UNC50: variants seen among roughly 807,000 people sequenced by gnomAD.
UNC50 encodes the protein protein unc-50 homolog.
UNC50 carries 24 observed loss-of-function variants against 31.5 expected under a neutral mutation model. The observed-to-expected ratio is 0.76, with a 90% CI of 0.55 to 1.07. The LOEUF is 1.07. Among genes scored for constraint, UNC50 ranks in the 50% least tolerant of loss-of-function variants. UNC50 has a pLI of 0.00. For synonymous variants in UNC50, 118 were observed against 114.7 expected (o/e 1.03, Z -0.18); for missense variants, 245 against 304.2 (o/e 0.81, Z 1.45).
At chr2:98,616,030 C>T (rs912908283) in intron 3 of UNC50, among the ~76,000 whole-genome samples, 177 bp from the exon 4 acceptor site, 6 of 152,158 alleles carry the variant, frequency 3.9e-5, no homozygotes, top group African/African-American at 1.4e-4. Flanking sequence ...TTCCATAATA[C>T]CATCTGACAT....
At chr2:98,609,431 T>G (rs759616942) in intron 1 of UNC50, 1 of 398,894 alleles carries the variant, frequency 2.5e-6, no homozygotes, top group Non-Finnish European at 4.6e-6. Context: ...CGAGTCAGAT[T>G]TCCAATCTTG....
chr2:98,610,815 C>G lies in UNC50; in HGVS notation c.321C>G (p.Phe107Leu). The G allele has an allele frequency of 6.2e-7, 1 of 1,614,140 alleles. No homozygotes were observed. Among genetic ancestry groups the G allele is most frequent in the Non-Finnish European group, 8.5e-7 (1 of 1,179,994 alleles). The part of the protein sequence containing the change: ...IGFGFVLDMG[F>L]FETIKLLLWV... ...TTGGCTTTGTGCTGGACATGGGATTCTTTGAGACAATAAAGCTTCTCCTTT... is the reference window on the plus strand; with the variant it reads ...TTGGCTTTGTGCTGGACATGGGATTGTTTGAGACAATAAAGCTTCTCCTTT... The change falls in exon 3 of 6, where the codon TTC becomes TTG. Residue 107 changes from phenylalanine (F) to leucine (L), a missense_variant. Coordinates refer to ENST00000357765, the MANE Select transcript of UNC50 (RefSeq NM_014044.7).
intron 3 of UNC50, among the ~76,000 whole-genome samples, chr2:98,612,227 C>T (rs1289952073): frequency 6.6e-6 from 1 of 152,168 alleles, no homozygotes; most frequent in Non-Finnish European, 1.5e-5. Flanking sequence ...CAAATGCCAA[C>T]TTAGTTATCT....
intron 5 of UNC50, among the ~76,000 whole-genome samples, chr2:98,617,503 C>G (rs191536994): frequency 1.9e-3 from 288 of 152,290 alleles, no homozygotes; most frequent in Admixed American, 3.8e-3. Flanking sequence ...TTGAACACTC[C>G]TGGTAACGAC....
intron 3 of UNC50, among the ~76,000 whole-genome samples, chr2:98,615,119 G>C: frequency 6.6e-6 from 1 of 152,186 alleles, no homozygotes; most frequent in South Asian, 2.1e-4. Context: ...CTTATGGCTG[G>C]ATGCGTCACT....
At chr2:98,609,607 A>G in intron 1 of UNC50, 149 bp from the exon 2 acceptor site, 1 of 1,261,042 alleles carries the variant, frequency 7.9e-7, no homozygotes, top group East Asian at 2.3e-5. Context: ...CCTCAGAACT[A>G]ACTGCATTTG....
chr2:98,618,200 CT>C lies in UNC50; in HGVS notation c.677del (p.Leu226ArgfsTer7). ...LPFLKNTVIL[L>X]YPFAPLILLY... ...ATTTTTGAAAAATACAGTAATTCTT[CT>C]GTATCCATTTGCACCTCTGATTCTG... On this transcript the variant is annotated frameshift_variant, in exon 6 of 6. Coordinates refer to ENST00000357765, the MANE Select transcript of UNC50 (RefSeq NM_014044.7). LOFTEE classifies it high-confidence loss of function. The C allele has an allele frequency of 1.3e-6, 2 of 1,599,454 alleles. No homozygotes were observed. The highest frequency in any genetic ancestry group is 2.3e-5 in the South Asian group (2 of 88,828).
chr2:98,608,628 T>TGAGGG lies in UNC50; in HGVS notation c.-102_-98dup. On this transcript the variant is annotated 5_prime_UTR_variant, in exon 1 of 6. Coordinates refer to ENST00000357765, the MANE Select transcript of UNC50 (RefSeq NM_014044.7). ...GGCGCGCCCCAAGGGCCGGCTCCGT[T>TGAGGG]GAGGGAAGGGAAGCCCGCCCGGTGG... The TGAGGG allele has an allele frequency of 1.7e-6, 1 of 584,962 alleles. No individual in the cohort carries two copies. Among genetic ancestry groups the TGAGGG allele is most frequent in the Non-Finnish European group, 3.0e-6 (1 of 329,722 alleles). 36.2% of individuals were successfully genotyped at this position (584,962 alleles called of 1,614,324 possible). A position where few individuals can be genotyped will look rare whatever the true frequency, so the allele number is the denominator to read the frequency against.
chr2:98,612,999 TGCCACAA>T (rs1330090590), intron 3 of UNC50, among the ~76,000 whole-genome samples: 4 of 152,228 alleles, frequency 2.6e-5, no homozygotes, highest in African/African-American at 9.6e-5. Flanking sequence ...TGGACACAGT[TGCCACAA>T]ACCTTCAATA....
rs148175018 is a variant in UNC50, at chr2:98,609,876, C to G, written c.117C>G (p.Phe39Leu). The change falls in exon 2 of 6, where the codon TTC becomes TTG. Residue 39 changes from phenylalanine to leucine, a missense_variant. Transcript: ENST00000357765. ...GCTACAAATATCTGAGAAGGCTTTT[C>G]CGCTTTCGGCAAATGGACTTTGAAT... ...AKRYKYLRRL[F>L]RFRQMDFEFA... The G allele has an allele frequency of 6.8e-6, 11 of 1,614,090 alleles. No individual in the cohort carries two copies. Among genetic ancestry groups the G allele is most frequent in the Non-Finnish European group, 9.3e-6 (11 of 1,180,050 alleles).
chr2:98,609,606 T>TA, intron 1 of UNC50, 150 bp from the exon 2 acceptor site: 2 of 1,259,422 alleles, frequency 1.6e-6, no homozygotes, highest in Non-Finnish European at 2.2e-6. Context: ...GCCTCAGAAC[T>TA]AACTGCATTT....
intron 5 of UNC50, among the ~76,000 whole-genome samples, chr2:98,617,059 A>G (rs1700935585): frequency 6.6e-6 from 1 of 152,252 alleles, no homozygotes; most frequent in Admixed American, 6.5e-5. Flanking sequence ...GATCGGGCCC[A>G]ACATTTATTG....
At position 98,608,606 on chromosome 2, in the gene UNC50, G is replaced by A; in HGVS notation, c.-125G>A. On this transcript the variant is annotated 5_prime_UTR_variant, in exon 1 of 6. Transcript: ENST00000357765. Reference sequence around the variant, plus strand: ...CGGAAGTCGGTTCCCGTGACGCGGCGCGCCCCAAGGGCCGGCTCCGTTGAG... The same window carrying A: ...CGGAAGTCGGTTCCCGTGACGCGGCACGCCCCAAGGGCCGGCTCCGTTGAG... 1 of 604,626 alleles carries A rather than the reference G, an allele frequency of 1.7e-6. No homozygotes were observed. Among genetic ancestry groups the A allele is most frequent in the Admixed American group, 2.8e-5 (1 of 35,340 alleles). 37.5% of individuals were successfully genotyped at this position (604,626 alleles called of 1,614,324 possible). A position where few individuals can be genotyped will look rare whatever the true frequency, so the allele number is the denominator to read the frequency against.
Position 98,608,600 on chromosome 2 carries a change from C to T in UNC50, c.-131C>T, listed in dbSNP as rs1367768972. 10 of 606,358 alleles carry T rather than the reference C, an allele frequency of 1.6e-5. 1 individual carries two copies. The South Asian group carries it at 1.7e-4, about 10-fold the overall frequency. 37.6% of individuals were successfully genotyped at this position (606,358 alleles called of 1,614,324 possible). A position where few individuals can be genotyped will look rare whatever the true frequency, so the allele number is the denominator to read the frequency against. On this transcript the variant is annotated 5_prime_UTR_variant, in exon 1 of 6. In the 5' UTR this introduces an upstream ATG that the reference lacks. Coordinates refer to ENST00000357765, the MANE Select transcript of UNC50 (RefSeq NM_014044.7). ...CCGCGGCGGAAGTCGGTTCCCGTGA[C>T]GCGGCGCGCCCCAAGGGCCGGCTCC...
chr2:98,618,292 CAG>C lies in UNC50; in HGVS notation c.771_772del (p.Arg257SerfsTer12). On this transcript the variant is annotated frameshift_variant, in exon 6 of 6. Coordinates refer to ENST00000357765, the MANE Select transcript of UNC50 (RefSeq NM_014044.7). LOFTEE classifies it high-confidence loss of function. ...ATACTCTCTGTTCTTTCTATAAGTA[CAG>C]AGTGAAATAAAAAGTGAGAAGAAGA... The part of the protein sequence containing the change: ...THTLCSFYKY[R>X]VK The C allele has an allele frequency of 6.3e-7, 1 of 1,594,820 alleles. No homozygotes were observed. The highest frequency in any genetic ancestry group is 8.5e-7 in the Non-Finnish European group (1 of 1,174,658).
Position 98,618,327 on chromosome 2 carries a change from G to GTAAC in UNC50, c.*25_*28dup, listed in dbSNP as rs1559150217. ...TAAAAAGTGAGAAGAAGATTCAATC[G>GTAAC]TAACTGTGTCAACAGTATTGTGAAG... On this transcript the variant is annotated 3_prime_UTR_variant, in exon 6 of 6. Coordinates refer to ENST00000357765, the MANE Select transcript of UNC50 (RefSeq NM_014044.7). The GTAAC allele has an allele frequency of 3.2e-6, 5 of 1,585,374 alleles. No homozygotes were observed. The highest frequency in any genetic ancestry group is 1.4e-5 in the African/African-American group (1 of 73,082).
Position 98,609,685 on chromosome 2 carries a change from CAGAAG to C in UNC50, c.-4-68_-4-64del, listed in dbSNP as rs560391097. On this transcript the variant is annotated intron_variant, in intron 1 of 5. Coordinates refer to ENST00000357765, the MANE Select transcript of UNC50 (RefSeq NM_014044.7). ...AAAGTGACCTCCCTGCCAAATAACT[CAGAAG>C]AGGAGTGTCGGTAGCCAAATGTTTC... is the stretch of plus-strand genomic sequence containing the variant. 4.8e-4 allele frequency: 764 copies of C among 1,602,522 alleles called. 7 individuals carry two copies. In the South Asian group the frequency reaches 7.8e-3, roughly 16 times the overall value.
chr2:98,616,252 T>TG lies in UNC50; in HGVS notation c.448dup (p.Asp150GlyfsTer9). On this transcript the variant is annotated frameshift_variant, in exon 4 of 6. Coordinates refer to ENST00000357765, the MANE Select transcript of UNC50 (RefSeq NM_014044.7). LOFTEE classifies it high-confidence loss of function. ...TAGTGAAACGACAGAGCAGAGACTATGATGTGGAATGGGGCTATGCTTTTG... is the reference window on the plus strand; with the variant it reads ...TAGTGAAACGACAGAGCAGAGACTATGGATGTGGAATGGGGCTATGCTTTTG... 1.9e-6 allele frequency: 3 copies of TG among 1,614,196 alleles called. No homozygotes were observed. Among genetic ancestry groups the TG allele is most frequent in the Non-Finnish European group, 2.5e-6 (3 of 1,180,006 alleles).
Position 98,618,362 on chromosome 2 carries a change from C to G in UNC50, c.*58C>G. ...CAACAGTATTGTGAAGTGATCATTT[C>G]TTGTAAAACTTGTAAATAAACTATC... On this transcript the variant is annotated 3_prime_UTR_variant, in exon 6 of 6. Coordinates refer to ENST00000357765, the MANE Select transcript of UNC50 (RefSeq NM_014044.7). The G allele has an allele frequency of 6.8e-7, 1 of 1,472,194 alleles. No individual in the cohort carries two copies. The highest frequency in any genetic ancestry group is 9.0e-7 in the Non-Finnish European group (1 of 1,106,740). The allele number at this position is 1,472,194 out of a possible 1,614,324, so 91.2% of individuals were successfully genotyped here.
Sources: gnomAD v4.1 joint callset for allele counts (sites outside exome capture counted in the v4.1 genomes callset) on GRCh38, gnomAD v4.1.1 for gene constraint, MANE v1.5 for transcripts, NCBI Gene and HGNC (gene_info 2026-07-23, HGNC 2026-07-21) for gene names.